Variants in FAT4 observed in about 807,000 individuals in gnomAD.
The protein encoded by FAT4 is protocadherin Fat 4.
Under a neutral mutation model 303.9 loss-of-function variants are expected in FAT4, and 84 were observed. The ratio of observed to expected loss-of-function variants is 0.28; its 90% CI spans 0.23 to 0.33. The LOEUF is 0.33. FAT4 is among the 10% of genes least tolerant of loss of function. The pLI, the probability that FAT4 is intolerant of heterozygous loss-of-function variation, is 1.00. For synonymous variants in FAT4, 2,307 were observed against 2,298.8 expected, an observed-to-expected ratio of 1.00 and a Z score of -0.10; for missense variants, 6,005 against 6,146.8, an observed-to-expected ratio of 0.98 and a Z score of 0.77.
At chr4:125,467,441 G>A (rs1726705222) in intron 11 of FAT4, among the ~76,000 whole-genome samples, 1 of 152,102 alleles carries the variant, frequency 6.6e-6, no homozygotes, top group Non-Finnish European at 1.5e-5. Context: ...TATTGGCATG[G>A]GTTAATTTTC....
In FAT4 at chr4:125,489,997, C is replaced by T; in HGVS notation, c.13181C>T (p.Pro4394Leu). Residue 4394 changes from proline (P) to leucine (L), a missense_variant, in exon 18 of 18, where the codon CCC becomes CTC. By Grantham distance (98) the Pro-to-Leu change is moderately conservative (BLOSUM62 -3). Coordinates refer to ENST00000394329, the MANE Select transcript of FAT4 (RefSeq NM_001291303.3). ...TTGGCCTCCATCTCAAAAACAGATC[C>T]CTCAGTGAAGATTGGCTGCCGTGGC... ...HSLASISKTD[P>L]SVKIGCRGPN... 1.2e-6 allele frequency: 2 copies of T among 1,613,960 alleles called. No homozygotes were observed. Among genetic ancestry groups the T allele is most frequent in the Non-Finnish European group, 1.7e-6 (2 of 1,179,998 alleles).
intron 2 of FAT4, among the ~76,000 whole-genome samples, chr4:125,363,311 G>A (rs1034383984): frequency 2.6e-5 from 4 of 151,724 alleles, no homozygotes. Context: ...GCAAATAGAA[G>A]TGAATATATG....
chr4:125,448,938 C>T lies in FAT4; in HGVS notation c.7928C>T (p.Ala2643Val), dbSNP rs1285356741. The stretch of plus-strand genomic sequence containing the variant: ...CAAAAATATGTTGTATGGATAGAGG[C>T]CAGAGACGGTGGTTTCCCTCCTTTC... ...KIQKYVVWIE[A>V]RDGGFPPFSS... Residue 2643 changes from alanine to valine, a missense_variant, in exon 10 of 18, where the codon GCC (alanine) becomes GTC (valine). Physicochemically the swap from Ala to Val is moderately conservative, Grantham distance 64. Coordinates refer to ENST00000394329, the MANE Select transcript of FAT4 (RefSeq NM_001291303.3). 6.2e-7 allele frequency: 1 copy of T among 1,613,392 alleles called. No individual in the cohort carries two copies. The highest frequency in any genetic ancestry group is 8.5e-7 in the Non-Finnish European group (1 of 1,179,890).
At chr4:125,343,644 A>G (rs558979159) in intron 2 of FAT4, among the ~76,000 whole-genome samples, 3 of 152,298 alleles carry the variant, frequency 2.0e-5, no homozygotes, top group Admixed American at 1.3e-4. Context: ...GCTCAAGAAT[A>G]TACGTTAAAA....
At chr4:125,332,685 T>C (rs76778171) in intron 2 of FAT4, among the ~76,000 whole-genome samples, 1 of 152,190 alleles carries the variant, frequency 6.6e-6, no homozygotes, top group African/African-American at 2.4e-5. Flanking sequence ...TATTTAGAAA[T>C]CGTTTTTTGT....
intron 2 of FAT4, among the ~76,000 whole-genome samples, chr4:125,388,065 T>C (rs1311284836): frequency 6.6e-6 from 1 of 152,210 alleles, no homozygotes. Context: ...GTATCTCTAG[T>C]CTTTCTGGTA....
chr4:125,320,853 A>G lies in FAT4; in HGVS notation c.4442A>G (p.Asn1481Ser). Residue 1481 changes from asparagine (N) to serine (S), a missense_variant, in exon 2 of 18, where the codon AAT becomes AGT. Transcript: ENST00000394329. ...IDEVKGTIYTNAEIDREFANL... is the reference protein window; with the variant it reads ...IDEVKGTIYTSAEIDREFANL... ...GAAGTCAAAGGGACTATATATACTAATGCTGAAATAGATCGGGAATTTGCT... is the reference window on the plus strand; with the variant it reads ...GAAGTCAAAGGGACTATATATACTAGTGCTGAAATAGATCGGGAATTTGCT... The G allele has an allele frequency of 6.2e-7, 1 of 1,614,166 alleles. No homozygotes were observed. The highest frequency in any genetic ancestry group is 1.1e-5 in the South Asian group (1 of 91,088).
At chr4:125,370,407 T>C (rs1360536665) in intron 2 of FAT4, among the ~76,000 whole-genome samples, 1 of 152,098 alleles carries the variant, frequency 6.6e-6, no homozygotes, top group African/African-American at 2.4e-5. Flanking sequence ...CCTAACAACA[T>C]GAGGGATTAT....
intron 3 of FAT4, among the ~76,000 whole-genome samples, chr4:125,399,203 A>G (rs1183024577): frequency 1.3e-5 from 2 of 152,052 alleles, no homozygotes; most frequent in African/African-American, 4.8e-5. Context: ...CTAAAGAGGT[A>G]TCTCTATTTT....
chr4:125,427,466 ATG>A (rs1163833994), intron 7 of FAT4, among the ~76,000 whole-genome samples: 2 of 152,074 alleles, frequency 1.3e-5, no homozygotes, highest in African/African-American at 4.8e-5. Context: ...ATAAGCATAT[ATG>A]TAGAACTAAT....
chr4:125,483,431 C>T (rs1560634949), intron 16 of FAT4, among the ~76,000 whole-genome samples: 1 of 152,148 alleles, frequency 6.6e-6, no homozygotes, highest in Non-Finnish European at 1.5e-5. Context: ...TGAAATATTT[C>T]TGTACTAACG....
At chr4:125,456,642 A>G (rs1560620855) in intron 10 of FAT4, among the ~76,000 whole-genome samples, 1 of 152,176 alleles carries the variant, frequency 6.6e-6, no homozygotes, top group Non-Finnish European at 1.5e-5. Context: ...TTAAATTTCT[A>G]TAGTTTGTTA....
chr4:125,434,062 A>G (rs563163677), intron 7 of FAT4, among the ~76,000 whole-genome samples, 183 bp from the exon 8 acceptor site: 2 of 152,212 alleles, frequency 1.3e-5, no homozygotes, highest in Non-Finnish European at 2.9e-5. Context: ...TTGAAATTCT[A>G]GTTCACAAAT....
intron 4 of FAT4, among the ~76,000 whole-genome samples, chr4:125,407,543 G>T (rs1734665898): frequency 6.6e-6 from 1 of 151,990 alleles, no homozygotes; most frequent in African/African-American, 2.4e-5. Flanking sequence ...GTGACCAACG[G>T]CAAGTTAATT....
chr4:125,433,291 T>C (rs913869778), intron 7 of FAT4, among the ~76,000 whole-genome samples: 9 of 152,198 alleles, frequency 5.9e-5, no homozygotes, highest in Non-Finnish European at 1.0e-4. Context: ...TTAAGGGAAA[T>C]AACTTTATTG....
Position 125,452,492 on chromosome 4 carries a change from G to C in FAT4, c.11482G>C (p.Val3828Leu). ...TCTACGAAGATTGGCTGTGAGCTCC[G>C]TATTAAAAAGCCGTGAGAGTCTTCC... ...SCLRRLAVSS[V>L]LKSRESLPVI... Residue 3828 changes from valine (V) to leucine (L), a missense_variant, in exon 10 of 18, where the codon GTA becomes CTA. By Grantham distance (32) the Val-to-Leu change is conservative. Coordinates refer to ENST00000394329, the MANE Select transcript of FAT4 (RefSeq NM_001291303.3). 1 of 1,613,882 alleles carries C rather than the reference G, an allele frequency of 6.2e-7. No individual in the cohort carries two copies. The highest frequency in any genetic ancestry group is 8.5e-7 in the Non-Finnish European group (1 of 1,180,014).
At chr4:125,357,313 T>G (rs1355601990) in intron 2 of FAT4, among the ~76,000 whole-genome samples, 1 of 152,114 alleles carries the variant, frequency 6.6e-6, no homozygotes, top group Non-Finnish European at 1.5e-5. Flanking sequence ...TTTAGGCAAA[T>G]GTACAGTCTC....
chr4:125,443,825 G>A (rs1578649580), intron 8 of FAT4, among the ~76,000 whole-genome samples: 1 of 152,208 alleles, frequency 6.6e-6, no homozygotes, highest in Non-Finnish European at 1.5e-5. Context: ...ATAGAACCAA[G>A]CCTCAAGTAA....
At chr4:125,461,016 G>A (rs888930437) in intron 10 of FAT4, among the ~76,000 whole-genome samples, 3 of 151,970 alleles carry the variant, frequency 2.0e-5, no homozygotes, top group Non-Finnish European at 4.4e-5. Context: ...GAGAATTTAA[G>A]TTTTATAGGA....
Sources: allele counts gnomAD v4.1 joint callset (sites outside exome capture counted in the v4.1 genomes callset), GRCh38; gene constraint gnomAD v4.1.1; transcripts MANE v1.5; gene names NCBI Gene and HGNC (gene_info 2026-07-23, HGNC 2026-07-21).